The following PLEKHG6 variants were observed in gnomAD, a reference collection of about 807,000 sequenced individuals.
The protein encoded by PLEKHG6 is pleckstrin homology domain-containing family G member 6.
PLEKHG6 carries 91 observed loss-of-function variants against 97.5 expected under a neutral mutation model. The observed-to-expected ratio is 0.93, with a 90% CI of 0.79 to 1.11. The LOEUF is 1.11. PLEKHG6 is among the 50% of genes most tolerant of loss of function. The probability of loss-of-function intolerance (pLI) is 0.00; values close to 1 mark genes in which losing one functional copy is unlikely to be tolerated. For missense variants in PLEKHG6, 1,044 were observed against 1,031.0 expected, an observed-to-expected ratio of 1.01 and a Z score of -0.17; for synonymous variants, 466 against 425.5, an observed-to-expected ratio of 1.10 and a Z score of -1.17.
rs1947465714 is a variant in PLEKHG6 at position 6,316,494 on chromosome 12, C to T, written c.756+90C>T. ...TAGGGCATGCCCACAGTATGCAAAT[C>T]TCTGTGATTTGAGGGGCCGCAGGAC... On this transcript the variant is annotated intron_variant, in intron 7 of 15. Transcript: ENST00000684764. This position sits in a 1 kb window ranked among gnomAD's most constrained non-coding sequence, Gnocchi z 4.1. 1 of 1,276,392 alleles carries T rather than the reference C, an allele frequency of 7.8e-7. No homozygotes were observed. The highest frequency in any genetic ancestry group is 1.1e-6 in the Non-Finnish European group (1 of 944,360). 79.1% of individuals were successfully genotyped at this position (1,276,392 alleles called of 1,614,324 possible).
chr12:6,322,821 C>A (rs918421195), intron 13 of PLEKHG6, among the ~76,000 whole-genome samples: 1 of 151,964 alleles, frequency 6.6e-6, no homozygotes, highest in Non-Finnish European at 1.5e-5. Flanking sequence ...ATAGAGCCTG[C>A]GGTGAGCTAT....
At chr12:6,319,482 A>G in intron 13 of PLEKHG6, 1 of 1,408,656 alleles carries the variant, frequency 7.1e-7, no homozygotes, top group Non-Finnish European at 9.4e-7. Context: ...GAAGGAAGGA[A>G]GGAACGAATG....
In PLEKHG6 at chr12:6,318,640, G is replaced by C. The variant is rs764653403; in HGVS notation, c.1276-105G>C. On this transcript the variant is annotated intron_variant, in intron 11 of 15. Transcript: ENST00000684764. The stretch of plus-strand genomic sequence containing the variant: ...GGCCACTCCCGCATTTGGGCTCTGC[G>C]TGTGTCCCTGTGTGCCTGCGCACCA... The C allele has an allele frequency of 1.2e-5, 16 of 1,319,682 alleles. No individual in the cohort carries two copies. In the East Asian group the frequency reaches 3.0e-4, roughly 25 times the overall value. The allele number at this position is 1,319,682 out of a possible 1,614,324, so 81.7% of individuals were successfully genotyped here. A position where few individuals can be genotyped will look rare whatever the true frequency, so the allele number is the denominator to read the frequency against.
chr12:6,320,605 G>A (rs781156107), intron 13 of PLEKHG6, among the ~76,000 whole-genome samples: 3 of 151,996 alleles, frequency 2.0e-5, no homozygotes, highest in Non-Finnish European at 4.4e-5. Context: ...ATTAGATTTC[G>A]AGCCCACCCT....
chr12:6,312,949 C>G, intron 2 of PLEKHG6: 1 of 1,420,584 alleles, frequency 7.0e-7, no homozygotes, highest in East Asian at 2.6e-5. Context: ...GCTGGGACAT[C>G]CCCTGCCTCA....
At position 6,327,739 on chromosome 12, in the gene PLEKHG6, G is replaced by A. The variant is rs1275691469; in HGVS notation, c.2156G>A (p.Gly719Glu). 5.8e-6 allele frequency: 9 copies of A among 1,550,528 alleles called. 1 individual carries two copies. The highest frequency in any genetic ancestry group is 6.9e-6 in the Non-Finnish European group (8 of 1,151,576). The change falls in exon 15 of 16, where the codon GGG (glycine) becomes GAG (glutamate). Residue 719 changes from glycine (G) to glutamate (E), a missense_variant. Coordinates refer to ENST00000684764, the MANE Select transcript of PLEKHG6 (RefSeq NM_001384598.1). ...WESSGEEEEE[G>E]PLFLKAGHTS... ...TCCTCAGGGGAGGAGGAAGAAGAGG[G>A]GCCTCTGTTCCTGAAAGCTGGCCAC...
chr12:6,314,977 G>A, intron 3 of PLEKHG6, 28 bp from the exon 4 acceptor site: 1 of 1,608,150 alleles, frequency 6.2e-7, no homozygotes, highest in Non-Finnish European at 8.5e-7. Context: ...GATGTGACCA[G>A]AGCTGATGCC....
At chr12:6,326,027 C>T (rs939319528) in intron 13 of PLEKHG6, among the ~76,000 whole-genome samples, 3 of 152,166 alleles carry the variant, frequency 2.0e-5, no homozygotes, top group African/African-American at 7.2e-5. Flanking sequence ...GTAATGTAGG[C>T]CGGGCACGGT....
rs1947467566 is a variant in PLEKHG6, at chr12:6,316,546, ACCT to A, written c.756+148_756+150del. 4.4e-6 allele frequency: 3 copies of A among 685,982 alleles called. No individual in the cohort carries two copies. In the South Asian group the frequency reaches 9.1e-5, roughly 21 times the overall value. The allele number at this position is 685,982 out of a possible 1,614,324, so 42.5% of individuals were successfully genotyped here. A position where few individuals can be genotyped will look rare whatever the true frequency, so the allele number is the denominator to read the frequency against. ...CAGCCCCTACCCCTAATATCACCTC[ACCT>A]CCTCCCTTCATGCCACAAGTCTGAC... On this transcript the variant is annotated intron_variant, in intron 7 of 15. Transcript: ENST00000684764. This position sits in a 1 kb window ranked among gnomAD's most constrained non-coding sequence, Gnocchi z 4.1.
In PLEKHG6 at chr12:6,322,879, T is replaced by TAA. The variant is rs58339954; in HGVS notation, c.1525-3537_1525-3536dup. ...CCAGACAACAGGGTGAGACCTTGTC[T>TAA]AAAAAAAAAAAAAGTTAAATAAAAC... On this transcript the variant is annotated intron_variant, in intron 13 of 15. Transcript: ENST00000684764. Among the ~76,000 whole-genome samples, 1,272 of 142,944 alleles carry TAA rather than the reference T, an allele frequency of 8.9e-3. 19 individuals are homozygous for TAA. Among genetic ancestry groups the TAA allele is most frequent in the African/African-American group, 0.031 (1,207 of 39,320 alleles). The allele number at this position is 142,944 out of a possible 152,430, so 93.8% of individuals were successfully genotyped here.
chr12:6,314,301 G>A (rs748322092), intron 3 of PLEKHG6, among the ~76,000 whole-genome samples: 9 of 152,086 alleles, frequency 5.9e-5, no homozygotes, highest in Middle Eastern at 3.2e-3. Flanking sequence ...TCAGGAGTTC[G>A]AAACCAGCCT....
intron 13 of PLEKHG6, among the ~76,000 whole-genome samples, chr12:6,321,767 C>T (rs1947709692): frequency 7.0e-6 from 1 of 143,284 alleles, no homozygotes; most frequent in Non-Finnish European, 1.5e-5. Context: ...GCGGAGCTTG[C>T]AGTGAGCCGA....
rs753987327 is a variant in PLEKHG6 at position 6,315,667 on chromosome 12, C to A, written c.555+18C>A. ...TGACTGATGTGAGCCCCCCTCAGCCCCAGCCCCGGCCCCATCTTCCCTGCA... is the reference window on the plus strand; with the variant it reads ...TGACTGATGTGAGCCCCCCTCAGCCACAGCCCCGGCCCCATCTTCCCTGCA... On this transcript the variant is annotated intron_variant, in intron 5 of 15. Coordinates refer to ENST00000684764, the MANE Select transcript of PLEKHG6 (RefSeq NM_001384598.1). This position sits in a 1 kb window ranked among gnomAD's most constrained non-coding sequence, Gnocchi z 4.5. 1.3e-6 allele frequency: 2 copies of A among 1,485,394 alleles called. No homozygotes were observed. The highest frequency in any genetic ancestry group is 1.8e-5 in the Admixed American group (1 of 55,082). 92.0% of individuals were successfully genotyped at this position (1,485,394 alleles called of 1,614,324 possible).
intron 13 of PLEKHG6, among the ~76,000 whole-genome samples, chr12:6,322,658 T>C (rs56983772): frequency 0.023 from 3,555 of 152,290 alleles, 127 homozygotes; most frequent in African/African-American, 0.077. Flanking sequence ...GGCAGGCAGA[T>C]GGCTTGAGAC....
chr12:6,314,855 T>A, intron 3 of PLEKHG6, 150 bp from the exon 4 acceptor site: 1 of 704,186 alleles, frequency 1.4e-6, no homozygotes, highest in Non-Finnish European at 2.4e-6. Context: ...ATGTCCCCAC[T>A]CATACTCAGT....
chr12:6,323,852 C>T (rs1947778962), intron 13 of PLEKHG6, among the ~76,000 whole-genome samples: 1 of 152,190 alleles, frequency 6.6e-6, no homozygotes, highest in Non-Finnish European at 1.5e-5. Flanking sequence ...GTCTTTGGGG[C>T]CTGGGTAGGG....
At position 6,317,369 on chromosome 12, in the gene PLEKHG6, C is replaced by T. The variant is rs1255244692; in HGVS notation, c.823C>T (p.Arg275Ter). 21 of 1,613,970 alleles carry T rather than the reference C, an allele frequency of 1.3e-5. No homozygotes were observed. Among genetic ancestry groups the T allele is most frequent in the South Asian group, 2.2e-5 (2 of 91,086 alleles). The change falls in exon 8 of 16, where the codon CGA (arginine) becomes TGA (stop). Residue 275 changes from arginine (R) to a stop codon, truncating the protein, a stop_gained. Coordinates refer to ENST00000684764, the MANE Select transcript of PLEKHG6 (RefSeq NM_001384598.1). LOFTEE classifies it high-confidence loss of function. ...AGTGAAGCAGACCATGGCTTACGCC[C>T]GAGAACAGCAAGAAACTAACCCTCT... ...LRVKQTMAYA[R>*]EQQETNPLFH...
chr12:6,314,420 T>C (rs868789085), intron 3 of PLEKHG6, among the ~76,000 whole-genome samples: 1 of 151,890 alleles, frequency 6.6e-6, no homozygotes, highest in Admixed American at 6.6e-5. Context: ...AGCAGGAGAA[T>C]CGCTTGAACC....
At chr12:6,310,978 G>A (rs1405856279) in intron 1 of PLEKHG6, 130 bp downstream of exon 1, 1 of 152,378 alleles carries the variant, frequency 6.6e-6, no homozygotes, top group Non-Finnish European at 1.5e-5. Context: ...GCTGGGCTGA[G>A]ACAGGACCCT....
Sources: gnomAD v4.1 joint callset for allele counts (sites outside exome capture counted in the v4.1 genomes callset) on GRCh38, gnomAD v4.1.1 for gene constraint, Gnocchi (gnomAD v3.1) non-coding constraint, MANE v1.5 for transcripts, NCBI Gene and HGNC (gene_info 2026-07-23, HGNC 2026-07-21) for gene names.